The following PEBP4 variants were observed in gnomAD, a reference collection of about 807,000 sequenced individuals.
The protein encoded by PEBP4 is phosphatidylethanolamine-binding protein 4.
Under a neutral mutation model 23.9 loss-of-function variants are expected in PEBP4, and 22 were observed. The ratio of observed to expected loss-of-function variants is 0.92; its 90% CI spans 0.66 to 1.31. The LOEUF (loss-of-function observed/expected upper bound fraction) is 1.31, where lower values mean the gene tolerates loss of function less well. Among genes scored for constraint, PEBP4 ranks in the 40% most tolerant of loss-of-function variants. The pLI is 0.00. For synonymous variants in PEBP4, 112 were observed against 99.3 expected (o/e 1.13, Z -0.76); for missense variants, 324 against 281.7 (o/e 1.15, Z -1.07).
Position 22,728,548 on chromosome 8 carries a change from CTTTCTTT to C in PEBP4, c.358-1335_358-1329del, listed in dbSNP as rs770986846. Among the ~76,000 whole-genome samples the C allele has an allele frequency of 3.0e-4, 26 of 85,632 alleles. 1 individual carries two copies. The East Asian group carries it at 6.4e-3, about 21-fold the overall frequency. 56.2% of individuals were successfully genotyped at this position (85,632 alleles called of 152,430 possible). A position where few individuals can be genotyped will look rare whatever the true frequency, so the allele number is the denominator to read the frequency against. On this transcript the variant is annotated intron_variant, in intron 4 of 6. Transcript: ENST00000256404. ...GGCTTGCTTCTTTCTTCCTTCCTTT[CTTTCTTT>C]CTTTCTTCCTTCCTTCCTTCCTTCC... is the stretch of plus-strand genomic sequence containing the variant.
chr8:22,719,939 G>A (rs1804487019), intron 6 of PEBP4, among the ~76,000 whole-genome samples: 1 of 152,224 alleles, frequency 6.6e-6, no homozygotes, highest in Non-Finnish European at 1.5e-5. Flanking sequence ...AGGTGCTGAG[G>A]CAAGCTGACG....
chr8:22,933,608 T>A (rs1468347249), intron 1 of PEBP4, among the ~76,000 whole-genome samples: 1 of 152,132 alleles, frequency 6.6e-6, no homozygotes, highest in Non-Finnish European at 1.5e-5. Flanking sequence ...ATTAAGAAAG[T>A]CCCAGATAAA....
rs1314926016 is a variant in PEBP4 at position 22,726,033 on chromosome 8, ACG to A, written c.404-1079_404-1078del. On this transcript the variant is annotated intron_variant, in intron 5 of 6. Transcript: ENST00000256404. ...TGTGTGTGTGTGTGTGTGTGTGTGC[ACG>A]CGCATGTGCACTCAGAGTGAGAGCA... 8.6e-5 allele frequency among the ~76,000 whole-genome samples: 7 copies of A among 81,402 alleles called. No homozygotes were observed. In the East Asian group the frequency reaches 2.3e-3, roughly 27 times the overall value. The allele number at this position is 81,402 out of a possible 152,430, so 53.4% of individuals were successfully genotyped here.
At chr8:22,713,881 G>A (rs1181240507) in intron 6 of PEBP4, among the ~76,000 whole-genome samples, 1 of 152,234 alleles carries the variant, frequency 6.6e-6, no homozygotes. Flanking sequence ...CCAGTCATGC[G>A]GGCTGCCCAC....
chr8:22,833,394 C>T (rs576270195), intron 3 of PEBP4, among the ~76,000 whole-genome samples: 16 of 152,160 alleles, frequency 1.1e-4, no homozygotes, highest in South Asian at 8.3e-4. Context: ...TGCAGTGGCG[C>T]GATCTCGGCT....
At chr8:22,787,161 G>A (rs1181687839) in intron 4 of PEBP4, among the ~76,000 whole-genome samples, 1 of 152,170 alleles carries the variant, frequency 6.6e-6, no homozygotes, top group African/African-American at 2.4e-5. Flanking sequence ...CTGATGTTTG[G>A]GCAGGAGAGG....
chr8:22,912,626 G>T (rs937970), intron 3 of PEBP4, among the ~76,000 whole-genome samples: 76,342 of 152,020 alleles, frequency 0.5, 19,474 homozygotes, highest in African/African-American at 0.6. Context: ...TCTATCCATC[G>T]CCCCATGTTG....
intron 3 of PEBP4, among the ~76,000 whole-genome samples, chr8:22,848,186 C>G (rs779253513): frequency 6.6e-6 from 1 of 152,072 alleles, no homozygotes; most frequent in Non-Finnish European, 1.5e-5. Context: ...TATTAAAGAG[C>G]TATAATAGAC....
rs942035597 is a variant in PEBP4 at position 22,865,245 on chromosome 8, G to GT, written c.259-47511dup. ...GGGCGGCGGGAGGGGGAGGGAAGGT[G>GT]TTTTTGCGAAAATGACAAAACAACT... is the stretch of plus-strand genomic sequence containing the variant. On this transcript the variant is annotated intron_variant, in intron 3 of 6. Coordinates refer to ENST00000256404, the MANE Select transcript of PEBP4 (RefSeq NM_144962.3). The surrounding 1 kb of genome is among the most constrained non-coding windows in gnomAD (Gnocchi z 6.9). 5.9e-5 allele frequency among the ~76,000 whole-genome samples: 9 copies of GT among 152,268 alleles called. No individual in the cohort carries two copies. The highest frequency in any genetic ancestry group is 2.2e-4 in the African/African-American group (9 of 41,546).
At chr8:22,875,749 G>A (rs549194685) in intron 3 of PEBP4, among the ~76,000 whole-genome samples, 98 of 151,996 alleles carry the variant, frequency 6.4e-4, no homozygotes, top group African/African-American at 2.3e-3. Flanking sequence ...CACCCAGCAC[G>A]TCACCCACCC....
chr8:22,865,971 C>T lies in PEBP4; in HGVS notation c.259-48236G>A, dbSNP rs1418374960. 3.3e-5 allele frequency among the ~76,000 whole-genome samples: 5 copies of T among 152,158 alleles called. No homozygotes were observed. The highest frequency in any genetic ancestry group is 1.2e-4 in the African/African-American group (5 of 41,460). On this transcript the variant is annotated intron_variant, in intron 3 of 6. Coordinates refer to ENST00000256404, the MANE Select transcript of PEBP4 (RefSeq NM_144962.3). The surrounding 1 kb of genome is among the most constrained non-coding windows in gnomAD (Gnocchi z 6.9). The stretch of plus-strand genomic sequence containing the variant: ...GCGGTGCTGCCCGGAGAGCGCGCAG[C>T]CCCCAGCCGGCCGCGCCAGCGCTGC...
intron 4 of PEBP4, among the ~76,000 whole-genome samples, chr8:22,788,529 G>A (rs922670794): frequency 1.4e-4 from 21 of 152,144 alleles, no homozygotes; most frequent in African/African-American, 4.3e-4. Flanking sequence ...CCCATACTGC[G>A]AGGAGTACCC....
At chr8:22,752,531 T>G (rs1805290176) in intron 4 of PEBP4, among the ~76,000 whole-genome samples, 1 of 152,156 alleles carries the variant, frequency 6.6e-6, no homozygotes, top group African/African-American at 2.4e-5. Flanking sequence ...TCACCCAAAG[T>G]CATATACCAA....
At chr8:22,753,331 T>C (rs1416431509) in intron 4 of PEBP4, among the ~76,000 whole-genome samples, 2 of 152,042 alleles carry the variant, frequency 1.3e-5, no homozygotes, top group African/African-American at 4.8e-5. Flanking sequence ...AGAAACTATC[T>C]CTCAGTAATG....
At chr8:22,800,176 G>A (rs1036887243) in intron 4 of PEBP4, among the ~76,000 whole-genome samples, 10 of 152,202 alleles carry the variant, frequency 6.6e-5, no homozygotes, top group South Asian at 4.2e-4. Flanking sequence ...CTTCTTTATT[G>A]TAGTCTGACC....
At chr8:22,894,827 T>C (rs1325802747) in intron 3 of PEBP4, among the ~76,000 whole-genome samples, 2 of 152,146 alleles carry the variant, frequency 1.3e-5, no homozygotes, top group African/African-American at 2.4e-5. Flanking sequence ...TGAATGGGGA[T>C]GCTGAATTCA....
Position 22,920,313 on chromosome 8 carries a change from A to T in PEBP4, c.132-3T>A. ...CTGGGTAGAAAACTTCAAGGCCCCT[A>T]TGAAGAGAGAGGGGAGGTTGCCCTG... On this transcript the variant is annotated splice_region_variant and splice_polypyrimidine_tract_variant and intron_variant, in intron 2 of 6. Coordinates refer to ENST00000256404, the MANE Select transcript of PEBP4 (RefSeq NM_144962.3). 1.2e-6 allele frequency: 2 copies of T among 1,609,194 alleles called. No individual in the cohort carries two copies. The highest frequency in any genetic ancestry group is 1.7e-6 in the Non-Finnish European group (2 of 1,176,036).
intron 6 of PEBP4, 93 bp downstream of exon 6, chr8:22,724,750 G>C: frequency 1.1e-6 from 1 of 934,654 alleles, no homozygotes; most frequent in Non-Finnish European, 1.7e-6. Context: ...CATGAGTGGG[G>C]GTCAAGGCCC....
chr8:22,898,487 A>C (rs1452671761), intron 3 of PEBP4, among the ~76,000 whole-genome samples: 2 of 151,528 alleles, frequency 1.3e-5, no homozygotes, highest in Non-Finnish European at 2.9e-5. Flanking sequence ...ACCATCACAG[A>C]AAATGGTCAC....
Sources: allele counts gnomAD v4.1 joint callset (sites outside exome capture counted in the v4.1 genomes callset), GRCh38; gene constraint gnomAD v4.1.1; non-coding constraint Gnocchi (gnomAD v3.1); transcripts MANE v1.5; gene names NCBI Gene and HGNC (gene_info 2026-07-23, HGNC 2026-07-21).